The following OSBP variants were observed in gnomAD, a reference collection of about 807,000 sequenced individuals.
The protein encoded by OSBP is oxysterol-binding protein 1.
OSBP carries 32 observed loss-of-function variants against 96.6 expected under a neutral mutation model. The observed-to-expected ratio is 0.33, with a 90% CI of 0.25 to 0.45. OSBP has a LOEUF of 0.45. Among genes scored for constraint, OSBP ranks in the 20% least tolerant of loss-of-function variants. The pLI, the probability that OSBP is intolerant of heterozygous loss-of-function variation, is 1.00. For synonymous variants in OSBP, 369 were observed against 389.6 expected (o/e 0.95, Z 0.62); for missense variants, 653 against 1,029.7 (o/e 0.63, Z 5.01).
chr11:59,602,937 T>G (rs1243065081), intron 3 of OSBP, among the ~76,000 whole-genome samples: 73 of 152,186 alleles, frequency 4.8e-4, no homozygotes, highest in Admixed American at 4.7e-3. Context: ...CAGATTTCTT[T>G]CAGGCCTACA....
chr11:59,610,249 T>A (rs766369074), intron 2 of OSBP, 132 bp downstream of exon 2: 77 of 770,136 alleles, frequency 1.0e-4, no homozygotes, highest in Non-Finnish European at 1.6e-4. Context: ...AAATACTGCA[T>A]GAAGACGAGA....
chr11:59,601,510 A>G (rs560655464), intron 4 of OSBP, 125 bp from the exon 5 acceptor site: 188 of 1,161,692 alleles, frequency 1.6e-4, no homozygotes, highest in Admixed American at 3.3e-4. Context: ...GAAAATCCAG[A>G]ATAAATCAAT....
At chr11:59,581,350 G>T in intron 10 of OSBP, 101 bp downstream of exon 10, 2 of 548,214 alleles carry the variant, frequency 3.6e-6, no homozygotes, top group South Asian at 3.3e-5. Context: ...TGAATCAGTA[G>T]CAACATTCTG....
At position 59,599,324 on chromosome 11, in the gene OSBP, T is replaced by C. The variant is rs554286793; in HGVS notation, c.1311+1172A>G. On this transcript the variant is annotated intron_variant, in intron 7 of 13. Transcript: ENST00000263847. Reference sequence around the variant, plus strand: ...CAACTGAATTCATCTAATTTTCACATCACAAACTATTATGCTTCTTAGATG... The same window carrying C: ...CAACTGAATTCATCTAATTTTCACACCACAAACTATTATGCTTCTTAGATG... 4.6e-5 allele frequency among the ~76,000 whole-genome samples: 7 copies of C among 152,332 alleles called. No homozygotes were observed. The South Asian group carries it at 1.5e-3, about 32-fold the overall frequency.
chr11:59,588,529 C>T (rs533783475), intron 9 of OSBP, among the ~76,000 whole-genome samples: 153 of 141,636 alleles, frequency 1.1e-3, no homozygotes, highest in African/African-American at 3.9e-3. Flanking sequence ...GAGTGAGACT[C>T]GGTCTCAAAA....
intron 9 of OSBP, among the ~76,000 whole-genome samples, chr11:59,589,667 C>T (rs1454076960): frequency 6.6e-6 from 1 of 151,894 alleles, no homozygotes; most frequent in African/African-American, 2.4e-5. Context: ...CAGCTAGTTT[C>T]TATATCCTAG....
intron 6 of OSBP, 38 bp from the exon 7 acceptor site, chr11:59,600,665 A>C: frequency 6.2e-7 from 1 of 1,603,150 alleles, no homozygotes; most frequent in Admixed American, 1.8e-5. Context: ...ACCCACAAAG[A>C]ACAGAAAACC....
chr11:59,598,454 C>G (rs959081487), intron 7 of OSBP, among the ~76,000 whole-genome samples: 2 of 152,180 alleles, frequency 1.3e-5, no homozygotes, highest in Admixed American at 6.5e-5. Context: ...CTGGTAGAAC[C>G]CTTAATTTTT....
chr11:59,580,377 T>C (rs1860406683), intron 10 of OSBP, 108 bp from the exon 11 acceptor site: 1 of 734,240 alleles, frequency 1.4e-6, no homozygotes, highest in Admixed American at 2.3e-5. Flanking sequence ...AGTAATCCCT[T>C]GTTTAAGATT....
chr11:59,606,202 T>C (rs1227325387), intron 3 of OSBP, among the ~76,000 whole-genome samples: 1 of 152,134 alleles, frequency 6.6e-6, no homozygotes, highest in Non-Finnish European at 1.5e-5. Context: ...CCCTCAGCAA[T>C]ATCCACTAGC....
At position 59,581,926 on chromosome 11, in the gene OSBP, G is replaced by A. The variant is rs138157553; in HGVS notation, c.1679-372C>T. ...GGAGCACACATTGGTAGTCTGTACC[G>A]GGACCAGGCTCTATTGTTAAGTTAC... On this transcript the variant is annotated intron_variant, in intron 9 of 13. Coordinates refer to ENST00000263847, the MANE Select transcript of OSBP (RefSeq NM_002556.3). 1.1e-3 allele frequency among the ~76,000 whole-genome samples: 174 copies of A among 152,286 alleles called. 1 individual carries two copies. Among genetic ancestry groups the A allele is most frequent in the African/African-American group, 3.5e-3 (145 of 41,554 alleles).
rs889480181 is a variant in OSBP, at chr11:59,575,196, T to C, written c.*1381A>G. 2.0e-5 allele frequency: 3 copies of C among 151,892 alleles called. No individual in the cohort carries two copies. The highest frequency in any genetic ancestry group is 7.2e-5 in the African/African-American group (3 of 41,416). The allele number at this position is 151,892 out of a possible 1,614,324, so 9.4% of individuals were successfully genotyped here. On this transcript the variant is annotated 3_prime_UTR_variant, in exon 14 of 14. Transcript: ENST00000263847. ...TTAAATTGGAAGTTGCCCTCCGGAC[T>C]TTCTACCCACACTCTTCCTGAAAAG...
intron 9 of OSBP, among the ~76,000 whole-genome samples, chr11:59,588,568 A>G (rs1459658717): frequency 6.6e-6 from 1 of 151,640 alleles, no homozygotes; most frequent in Admixed American, 6.6e-5. Context: ...TTTTTAATGT[A>G]TATAGAGTTC....
At chr11:59,615,075 G>A (rs1047628286) in intron 1 of OSBP, among the ~76,000 whole-genome samples, 4 of 152,236 alleles carry the variant, frequency 2.6e-5, no homozygotes, top group Non-Finnish European at 5.9e-5. Flanking sequence ...GCGAAGGGAA[G>A]ATAAGGCACC....
intron 9 of OSBP, among the ~76,000 whole-genome samples, chr11:59,587,050 T>A (rs1005676506): frequency 3.9e-5 from 6 of 151,972 alleles, no homozygotes; most frequent in Non-Finnish European, 7.4e-5. Context: ...AAAAAATTTG[T>A]GCAATAAATG....
chr11:59,588,942 T>C (rs960315657), intron 9 of OSBP, among the ~76,000 whole-genome samples: 2 of 151,310 alleles, frequency 1.3e-5, no homozygotes, highest in African/African-American at 4.9e-5. Context: ...GAGCGGGAGG[T>C]TGCAGTGAAC....
In OSBP at chr11:59,575,080, T is replaced by A. The variant is rs565603627; in HGVS notation, c.*1497A>T. On this transcript the variant is annotated 3_prime_UTR_variant, in exon 14 of 14. Coordinates refer to ENST00000263847, the MANE Select transcript of OSBP (RefSeq NM_002556.3). ...AGCCAGGGCCCCACAGGAGCAATTA[T>A]CTGATCCACCCCACATGACGGTGCT... The A allele has an allele frequency of 6.6e-6, 1 of 151,856 alleles. No homozygotes were observed. Among genetic ancestry groups the A allele is most frequent in the Non-Finnish European group, 1.5e-5 (1 of 67,970 alleles). 9.4% of individuals were successfully genotyped at this position (151,856 alleles called of 1,614,324 possible).
At chr11:59,600,413 G>C in intron 7 of OSBP, 83 bp downstream of exon 7, 1 of 1,413,634 alleles carries the variant, frequency 7.1e-7, no homozygotes. Flanking sequence ...CCGCACAAGT[G>C]GGTGGGGCTG....
rs80106011 is a variant in OSBP at position 59,603,286 on chromosome 11, A to G, written c.823-1448T>C. 1.9e-3 allele frequency among the ~76,000 whole-genome samples: 293 copies of G among 152,348 alleles called. 2 individuals carry two copies. The highest frequency in any genetic ancestry group is 6.9e-3 in the African/African-American group (287 of 41,584). On this transcript the variant is annotated intron_variant, in intron 3 of 13. Coordinates refer to ENST00000263847, the MANE Select transcript of OSBP (RefSeq NM_002556.3). ...GGATCTGATAAAGTTTGCTTAATAAATAAATAAAGGAAGGAGGCAAGCAAC... is the reference window on the plus strand; with the variant it reads ...GGATCTGATAAAGTTTGCTTAATAAGTAAATAAAGGAAGGAGGCAAGCAAC...
Sources: allele counts gnomAD v4.1 joint callset (sites outside exome capture counted in the v4.1 genomes callset), GRCh38; gene constraint gnomAD v4.1.1; transcripts MANE v1.5; gene names NCBI Gene and HGNC (gene_info 2026-07-23, HGNC 2026-07-21).